NKAIN2: variants seen among roughly 807,000 people sequenced by gnomAD.
NKAIN2 encodes the protein sodium/potassium-transporting ATPase subunit beta-1-interacting protein 2.
In NKAIN2, 14 loss-of-function variants were observed where a neutral mutation model predicts 32.6. That is an observed-to-expected ratio of 0.43 (90% CI 0.28 to 0.67). The LOEUF (loss-of-function observed/expected upper bound fraction) is 0.67, where lower values mean the gene tolerates loss of function less well. Among genes scored for constraint, NKAIN2 ranks in the 30% least tolerant of loss-of-function variants. NKAIN2 has a pLI of 0.17. For synonymous variants in NKAIN2, 80 were observed against 87.2 expected, an observed-to-expected ratio of 0.92 and a Z score of 0.46; for missense variants, 198 against 258.3, an observed-to-expected ratio of 0.77 and a Z score of 1.60.
intron 4 of NKAIN2, among the ~76,000 whole-genome samples, chr6:124,741,601 A>C (rs1777214519): frequency 6.6e-6 from 1 of 151,904 alleles, no homozygotes; most frequent in African/African-American, 2.4e-5. Flanking sequence ...GTAAGAATAG[A>C]AAATGAGGAG....
At chr6:124,523,505 G>GA (rs1779200500) in intron 3 of NKAIN2, among the ~76,000 whole-genome samples, 3 of 14,484 alleles carry the variant, frequency 2.1e-4, no homozygotes, top group South Asian at 0.083. Context: ...AATCACAATG[G>GA]AAAGTAGGAG....
intron 1 of NKAIN2, among the ~76,000 whole-genome samples, chr6:123,887,212 T>G (rs2114356368): frequency 6.6e-6 from 1 of 152,154 alleles, no homozygotes; most frequent in East Asian, 1.9e-4. Flanking sequence ...AGTTCAGTAC[T>G]TTGCCTCTAA....
intron 1 of NKAIN2, among the ~76,000 whole-genome samples, chr6:123,991,807 A>G (rs1354280059): frequency 6.6e-6 from 1 of 152,138 alleles, no homozygotes; most frequent in Non-Finnish European, 1.5e-5. Flanking sequence ...GCTTGCAGTG[A>G]GCTGAGATCG....
At chr6:123,924,004 G>A (rs1775892861) in intron 1 of NKAIN2, among the ~76,000 whole-genome samples, 1 of 151,712 alleles carries the variant, frequency 6.6e-6, no homozygotes, top group Admixed American at 6.6e-5. Flanking sequence ...CAGGTAACAT[G>A]TTGAATTTCA....
At chr6:124,122,145 G>A (rs1226833062) in intron 1 of NKAIN2, among the ~76,000 whole-genome samples, 2 of 151,922 alleles carry the variant, frequency 1.3e-5, no homozygotes, top group African/African-American at 4.8e-5. Flanking sequence ...GAAAATGTTG[G>A]TACAAAATAG....
chr6:124,793,308 A>C (rs1050909195), intron 5 of NKAIN2, among the ~76,000 whole-genome samples: 1 of 152,170 alleles, frequency 6.6e-6, no homozygotes, highest in Non-Finnish European at 1.5e-5. Context: ...GCGCCTATAC[A>C]AGAGAAGACA....
chr6:123,807,746 G>C (rs59854218), intron 1 of NKAIN2, among the ~76,000 whole-genome samples: 2,699 of 152,160 alleles, frequency 0.018, 69 homozygotes, highest in African/African-American at 0.062. Flanking sequence ...TTGTACTTTA[G>C]ACTTCTGGGT....
At chr6:124,223,988 T>C (rs1243028029) in intron 1 of NKAIN2, among the ~76,000 whole-genome samples, 1 of 152,084 alleles carries the variant, frequency 6.6e-6, no homozygotes, top group Non-Finnish European at 1.5e-5. Flanking sequence ...TTAGTCTAAT[T>C]TGGATATTAA....
chr6:124,184,319 T>C (rs1789600147), intron 1 of NKAIN2, among the ~76,000 whole-genome samples: 1 of 152,022 alleles, frequency 6.6e-6, no homozygotes, highest in African/African-American at 2.4e-5. Flanking sequence ...CCAGACCATT[T>C]TGTAACTGTT....
intron 1 of NKAIN2, among the ~76,000 whole-genome samples, chr6:123,872,490 G>C (rs920692828): frequency 3.3e-4 from 50 of 152,198 alleles, no homozygotes; most frequent in African/African-American, 1.2e-3. Flanking sequence ...CCTCTCTATG[G>C]AAAGCCTTGA....
chr6:123,833,691 CTG>C (rs59906355), intron 1 of NKAIN2, among the ~76,000 whole-genome samples: 3,919 of 129,478 alleles, frequency 0.03, 89 homozygotes, highest in East Asian at 0.049. Context: ...ATTTTTTTTC[CTG>C]TGTGTGTGTG....
intron 1 of NKAIN2, among the ~76,000 whole-genome samples, chr6:124,072,173 C>T (rs1018834084): frequency 3.3e-5 from 5 of 152,092 alleles, no homozygotes; most frequent in African/African-American, 1.2e-4. Context: ...ATGTCCTTTG[C>T]AGCCACATGG....
chr6:124,064,791 CTT>C (rs1258267571), intron 1 of NKAIN2, among the ~76,000 whole-genome samples: 1 of 150,848 alleles, frequency 6.6e-6, no homozygotes, highest in African/African-American at 2.4e-5. Context: ...GAAAAATACT[CTT>C]TTATCTTGTT....
intron 3 of NKAIN2, among the ~76,000 whole-genome samples, chr6:124,521,513 T>C (rs2114797505): frequency 6.6e-6 from 1 of 152,314 alleles, no homozygotes; most frequent in East Asian, 1.9e-4. Context: ...ATACAGTATA[T>C]AATTAGTAAA....
At chr6:123,851,990 G>A (rs1439703372) in intron 1 of NKAIN2, among the ~76,000 whole-genome samples, 1 of 151,592 alleles carries the variant, frequency 6.6e-6, no homozygotes, top group African/African-American at 2.4e-5. Flanking sequence ...TACTTTTGTT[G>A]CTTATGCTTT....
At chr6:124,799,410 T>C (rs1436562812) in intron 5 of NKAIN2, among the ~76,000 whole-genome samples, 1 of 152,220 alleles carries the variant, frequency 6.6e-6, no homozygotes, top group Non-Finnish European at 1.5e-5. Flanking sequence ...CTTCTTATTT[T>C]CTTTCTTTTC....
intron 1 of NKAIN2, among the ~76,000 whole-genome samples, chr6:124,033,080 T>C (rs1028780119): frequency 6.6e-6 from 1 of 152,052 alleles, no homozygotes; most frequent in Non-Finnish European, 1.5e-5. Flanking sequence ...GGAAAGCAAA[T>C]AGATTTCTCT....
chr6:124,150,032 A>C (rs1252481038), intron 1 of NKAIN2, among the ~76,000 whole-genome samples: 1 of 152,074 alleles, frequency 6.6e-6, no homozygotes. Context: ...AGCCTGTTTA[A>C]AATAAATTCC....
chr6:123,839,236 A>T (rs1774763419), intron 1 of NKAIN2, among the ~76,000 whole-genome samples: 1 of 152,202 alleles, frequency 6.6e-6, no homozygotes, highest in Admixed American at 6.5e-5. Context: ...CCAAAAAAAA[A>T]AAAAAAATTG....
Sources: gnomAD v4.1 joint callset for allele counts (sites outside exome capture counted in the v4.1 genomes callset) on GRCh38, gnomAD v4.1.1 for gene constraint, MANE v1.5 for transcripts, NCBI Gene and HGNC (gene_info 2026-07-23, HGNC 2026-07-21) for gene names.